The following C1S variants were observed in gnomAD, a reference collection of about 807,000 sequenced individuals.
The protein encoded by C1S is complement C1s subcomponent.
In C1S, 31 loss-of-function variants were observed where a neutral mutation model predicts 54.0. The observed-to-expected ratio is 0.57, with a 90% CI of 0.43 to 0.78. The LOEUF (loss-of-function observed/expected upper bound fraction) is 0.78, where lower values mean the gene tolerates loss of function less well. C1S is among the 30% of genes least tolerant of loss of function. The pLI, the probability that C1S is intolerant of heterozygous loss-of-function variation, is 0.00. For synonymous variants in C1S, 292 were observed against 303.6 expected (o/e 0.96, Z 0.40); for missense variants, 727 against 851.8 (o/e 0.85, Z 1.82).
In C1S at chr12:7,069,852, T is replaced by C. The variant is rs1937792064; in HGVS notation, c.1271-3T>C. ...TTCCCTGTGTTGTTTTATTCCTTCC[T>C]AGTCTGTGGAGTCCCCAGAGAACCC... On this transcript the variant is annotated splice_region_variant and splice_polypyrimidine_tract_variant and intron_variant, in intron 11 of 11. Coordinates refer to ENST00000360817, the MANE Select transcript of C1S (RefSeq NM_001734.5). 1 of 1,612,170 alleles carries C rather than the reference T, an allele frequency of 6.2e-7. No homozygotes were observed. The highest frequency in any genetic ancestry group is 8.5e-7 in the Non-Finnish European group (1 of 1,178,132).
chr12:7,070,670 G>T lies in C1S; in HGVS notation c.*19G>T. 2 of 1,590,474 alleles carry T rather than the reference G, an allele frequency of 1.3e-6. No individual in the cohort carries two copies. The highest frequency in any genetic ancestry group is 1.7e-6 in the Non-Finnish European group (2 of 1,159,340). ...GGACTAATCCAGATACATCCCACCA[G>T]CCTCTCCAAGGGTGGTGACCAATGC... On this transcript the variant is annotated 3_prime_UTR_variant, in exon 12 of 12. Transcript: ENST00000360817. The surrounding 1 kb of genome is among the most constrained non-coding windows in gnomAD (Gnocchi z 4.9).
At chr12:7,064,854 A>G (rs1251491992) in intron 5 of C1S, among the ~76,000 whole-genome samples, 3 of 152,190 alleles carry the variant, frequency 2.0e-5, no homozygotes, top group Non-Finnish European at 2.9e-5. Flanking sequence ...TAAAGGGTCT[A>G]CTGGGGGCTG....
intron 9 of C1S, chr12:7,067,441 C>T (rs782030604): frequency 2.7e-6 from 2 of 728,384 alleles, no homozygotes; most frequent in Non-Finnish European, 4.9e-6. Context: ...ATGGGGCCAT[C>T]TGAATTGGCA....
rs1018149886 is a variant in C1S at position 7,070,970 on chromosome 12, C to T, written c.*319C>T. On this transcript the variant is annotated 3_prime_UTR_variant, in exon 12 of 12. Transcript: ENST00000360817. The surrounding 1 kb of genome is among the most constrained non-coding windows in gnomAD (Gnocchi z 4.9). ...GTTTCCTCTTTACCTGTTCAAAATT[C>T]CATTTACTTGATCATTCTCAGTATC... 6 of 342,850 alleles carry T rather than the reference C, an allele frequency of 1.8e-5. No individual in the cohort carries two copies. Among genetic ancestry groups the T allele is most frequent in the East Asian group, 1.4e-4 (2 of 14,792 alleles). 21.2% of individuals were successfully genotyped at this position (342,850 alleles called of 1,614,324 possible).
At chr12:7,064,536 A>T in intron 5 of C1S, 144 bp downstream of exon 5, 1 of 746,720 alleles carries the variant, frequency 1.3e-6, no homozygotes, top group Non-Finnish European at 2.0e-6. Flanking sequence ...TTATTTATTT[A>T]TGTATTATTT....
rs782271357 is a variant in C1S at position 7,070,359 on chromosome 12, T to C, written c.1775T>C (p.Leu592Ser). The C allele has an allele frequency of 6.2e-7, 1 of 1,614,216 alleles. No individual in the cohort carries two copies. The highest frequency in any genetic ancestry group is 8.5e-7 in the Non-Finnish European group (1 of 1,180,032). Reference sequence around the variant, plus strand: ...GCGGCAAGGTTACCTGTAGCTCCTTTAAGAAAATGCAAAGAAGTGAAAGTG... The same window carrying C: ...GCGGCAAGGTTACCTGTAGCTCCTTCAAGAAAATGCAAAGAAGTGAAAGTG... ...LKAARLPVAPLRKCKEVKVEK... is the reference protein window; with the variant it reads ...LKAARLPVAPSRKCKEVKVEK... The change falls in exon 12 of 12, where the codon TTA becomes TCA. Residue 592 changes from leucine to serine, a missense_variant. This residue lies in a region of C1S where 360 missense variants were observed against 453.6 expected (regional missense o/e 0.79). Transcript: ENST00000360817. The surrounding 1 kb of genome is among the most constrained non-coding windows in gnomAD (Gnocchi z 4.9).
At chr12:7,067,533 T>A in intron 9 of C1S, 110 bp from the exon 10 acceptor site, 2 of 1,235,462 alleles carry the variant, frequency 1.6e-6, no homozygotes. Flanking sequence ...TCATCCCAGG[T>A]GTGCCTGTGG....
rs1189120326 is a variant in C1S, at chr12:7,062,479, A to G, written c.10A>G (p.Ile4Val). Residue 4 changes from isoleucine to valine, a missense_variant, in exon 3 of 12, where the codon ATT becomes GTT. By Grantham distance (29) the Ile-to-Val change is conservative. Transcript: ENST00000360817. ...TCTATGCCTCTGTTTTTTCAGGTGCATTGTCCTGTTTTCACTTTTGGCATG... is the reference window on the plus strand; with the variant it reads ...TCTATGCCTCTGTTTTTTCAGGTGCGTTGTCCTGTTTTCACTTTTGGCATG... MWC[I>V]VLFSLLAWVY... 4 of 1,612,440 alleles carry G rather than the reference A, an allele frequency of 2.5e-6. No individual in the cohort carries two copies. Among genetic ancestry groups the G allele is most frequent in the Non-Finnish European group, 3.4e-6 (4 of 1,179,832 alleles).
Position 7,070,776 on chromosome 12 carries a change from T to C in C1S, c.*125T>C, listed in dbSNP as rs1370906169. The C allele has an allele frequency of 4.6e-5, 40 of 875,584 alleles. No homozygotes were observed. Among genetic ancestry groups the C allele is most frequent in the Non-Finnish European group, 6.9e-5 (37 of 533,894 alleles). The allele number at this position is 875,584 out of a possible 1,614,324, so 54.2% of individuals were successfully genotyped here. ...ACGAGCGAATGATTTAAATAGAACT[T>C]GATTGTTGAGACGCCTTGCTAGAGG... is the stretch of plus-strand genomic sequence containing the variant. On this transcript the variant is annotated 3_prime_UTR_variant, in exon 12 of 12. Transcript: ENST00000360817. The surrounding 1 kb of genome is among the most constrained non-coding windows in gnomAD (Gnocchi z 4.9).
intron 4 of C1S, 122 bp from the exon 5 acceptor site, chr12:7,064,145 C>T: frequency 1.0e-6 from 1 of 976,204 alleles, no homozygotes; most frequent in South Asian, 1.3e-5. Flanking sequence ...AATGTGATCC[C>T]TTGACGGATC....
chr12:7,066,773 G>C, intron 8 of C1S, 140 bp downstream of exon 8: 1 of 722,900 alleles, frequency 1.4e-6, no homozygotes, highest in Non-Finnish European at 2.6e-6. Context: ...CTTAAGATCT[G>C]TAGTTCTCCC....
Position 7,067,105 on chromosome 12 carries a change from C to G in C1S, c.1054C>G (p.Leu352Val). Residue 352 changes from leucine (L) to valine (V), a missense_variant, in exon 9 of 12, where the codon CTG (leucine) becomes GTG (valine). Physicochemically the swap from Leu to Val is conservative, Grantham distance 32. Transcript: ENST00000360817. Reference sequence around the variant, plus strand: ...CAATGGAAAGTGGAGTAATTCCAAACTGAAATGTCAACGTATGTGTCTCTT... The same window carrying G: ...CAATGGAAAGTGGAGTAATTCCAAAGTGAAATGTCAACGTATGTGTCTCTT... ...QSNGKWSNSK[L>V]KCQPVDCGIP... The G allele has an allele frequency of 6.2e-7, 1 of 1,601,172 alleles. No homozygotes were observed. The highest frequency in any genetic ancestry group is 1.1e-5 in the South Asian group (1 of 90,832).
intron 6 of C1S, chr12:7,065,515 C>T: frequency 4.7e-6 from 3 of 643,040 alleles, no homozygotes; most frequent in South Asian, 3.5e-5. Flanking sequence ...GTCATCAAAC[C>T]CAGCTAATAT....
At chr12:7,068,311 C>A in intron 10 of C1S, 145 bp from the exon 11 acceptor site, 1 of 714,012 alleles carries the variant, frequency 1.4e-6, no homozygotes, top group South Asian at 1.5e-5. Flanking sequence ...TATTTTTTTT[C>A]TGGCTGATTT....
chr12:7,066,218 TG>T (rs1383970642), intron 7 of C1S: 13 of 609,364 alleles, frequency 2.1e-5, no homozygotes, highest in Non-Finnish European at 3.5e-5. Flanking sequence ...ACAGATAGAT[TG>T]TTGTTCTGAT....
intron 10 of C1S, 174 bp downstream of exon 10, chr12:7,067,945 C>T (rs1273907348): frequency 2.8e-6 from 2 of 718,432 alleles, no homozygotes; most frequent in East Asian, 2.8e-5. Flanking sequence ...AGGGCAAGTT[C>T]AGGGGAGCAT....
chr12:7,062,107 TA>T (rs376183132), intron 2 of C1S, 190 bp downstream of exon 2: 89,192 of 459,676 alleles, frequency 0.19, 2 homozygotes, highest in South Asian at 0.26. Flanking sequence ...CTGTCTCTAT[TA>T]AAAAAAAAAA....
intron 5 of C1S, 75 bp downstream of exon 5, chr12:7,064,467 A>G: frequency 6.5e-7 from 1 of 1,543,036 alleles, no homozygotes; most frequent in South Asian, 1.1e-5. Context: ...GGCTTTGTCC[A>G]CCCTTCCAAC....
chr12:7,064,047 C>CACACACACACACACACACACA, intron 4 of C1S: 4 of 602,938 alleles, frequency 6.6e-6, no homozygotes, highest in Admixed American at 4.3e-5. Flanking sequence ...CACACACACA[C>CACACACACACACACACACACA]CCCCGAGCTT....
Sources: allele counts gnomAD v4.1 joint callset (sites outside exome capture counted in the v4.1 genomes callset), GRCh38; gene constraint gnomAD v4.1.1; regional missense constraint gnomAD v4.1.1; non-coding constraint Gnocchi (gnomAD v3.1); transcripts MANE v1.5; gene names NCBI Gene and HGNC (gene_info 2026-07-23, HGNC 2026-07-21).